Variants in KIF13A observed in about 807,000 individuals in gnomAD.
KIF13A encodes the protein kinesin-like protein KIF13A.
A neutral mutation model predicts 212.2 loss-of-function variants in KIF13A; 79 were observed. The observed-to-expected ratio is 0.37, with a 90% CI of 0.31 to 0.45. The LOEUF (loss-of-function observed/expected upper bound fraction) is 0.45, where lower values mean the gene tolerates loss of function less well. KIF13A is among the 20% of genes least tolerant of loss of function. The probability of loss-of-function intolerance (pLI) is 1.00; values close to 1 mark genes in which losing one functional copy is unlikely to be tolerated. For missense variants in KIF13A, 1,901 were observed against 2,209.0 expected (o/e 0.86, Z 2.79); for synonymous variants, 789 against 808.6 (o/e 0.98, Z 0.41).
At position 17,856,114 on chromosome 6, in the gene KIF13A, C is replaced by T. The variant is rs1377472628; in HGVS notation, c.229G>A (p.Val77Met). Residue 77 changes from valine to methionine, a missense_variant, in exon 5 of 39, where the codon GTG becomes ATG. By Grantham distance (21) the Val-to-Met change is conservative (BLOSUM62 1). Transcript: ENST00000259711. The surrounding 1 kb of genome is among the most constrained non-coding windows in gnomAD (Gnocchi z 4.5). ...SNTTKYAGQE[V>M]VFKCLGEGIL... ...CCTTCCCCAAGGCACTTGAAAACCA[C>T]TTCTTGACCTAAAAAACAAGACAAA... 1.2e-6 allele frequency: 2 copies of T among 1,608,106 alleles called. No homozygotes were observed. Among genetic ancestry groups the T allele is most frequent in the South Asian group, 1.1e-5 (1 of 90,560 alleles).
intron 2 of KIF13A, among the ~76,000 whole-genome samples, chr6:17,930,700 G>A (rs865921657): frequency 6.6e-6 from 1 of 152,154 alleles, no homozygotes; most frequent in Non-Finnish European, 1.5e-5. Context: ...TAGACCACAG[G>A]GCTGGGAAAA....
chr6:17,943,783 C>G (rs934963044), intron 2 of KIF13A, among the ~76,000 whole-genome samples: 15 of 152,058 alleles, frequency 9.9e-5, no homozygotes, highest in African/African-American at 3.1e-4. Flanking sequence ...AACGGGGAGG[C>G]GTGGAAGTGC....
At chr6:17,956,322 T>C (rs1778352347) in intron 2 of KIF13A, among the ~76,000 whole-genome samples, 2 of 152,160 alleles carry the variant, frequency 1.3e-5, no homozygotes, top group Non-Finnish European at 2.9e-5. Context: ...ATAGGTCCAT[T>C]ACAAAGAAGG....
rs762081497 is a variant in KIF13A, at chr6:17,831,063, T to A, written c.1401+38A>T. ...GATTCAACTACGAACTGTATAGGAA[T>A]GAATCTTGATTGCATATGTATTTAT... On this transcript the variant is annotated intron_variant, in intron 13 of 38. Coordinates refer to ENST00000259711, the MANE Select transcript of KIF13A (RefSeq NM_022113.6). 1.1e-5 allele frequency: 18 copies of A among 1,584,746 alleles called. No homozygotes were observed. The African/African-American group carries it at 2.3e-4, about 20-fold the overall frequency.
At chr6:17,936,117 G>A (rs868695921) in intron 2 of KIF13A, among the ~76,000 whole-genome samples, 42 of 152,116 alleles carry the variant, frequency 2.8e-4, no homozygotes, top group African/African-American at 9.9e-4. Flanking sequence ...TTCATCCAGG[G>A]AGAGGGCTGA....
intron 4 of KIF13A, among the ~76,000 whole-genome samples, chr6:17,867,845 TAGTTA>T (rs571700703): frequency 2.6e-3 from 400 of 152,350 alleles, no homozygotes; most frequent in Non-Finnish European, 4.1e-3. Flanking sequence ...CGATTCTGGT[TAGTTA>T]AGTTAATATT....
rs1159215826 is a variant in KIF13A, at chr6:17,961,923, G to C, written c.146+25131C>G. Reference sequence around the variant, plus strand: ...CCACATCTTAAAATTTCAGAATTGGGATACATTTGACAATCAAGGTTTAAT... The same window carrying C: ...CCACATCTTAAAATTTCAGAATTGGCATACATTTGACAATCAAGGTTTAAT... On this transcript the variant is annotated intron_variant, in intron 2 of 38. Transcript: ENST00000259711. The surrounding 1 kb of genome is among the most constrained non-coding windows in gnomAD (Gnocchi z 4.1). 6.6e-6 allele frequency among the ~76,000 whole-genome samples: 1 copy of C among 152,172 alleles called. No homozygotes were observed.
At chr6:17,969,954 G>A (rs1432177770) in intron 2 of KIF13A, among the ~76,000 whole-genome samples, 5 of 149,358 alleles carry the variant, frequency 3.3e-5, no homozygotes, top group Non-Finnish European at 7.4e-5. Flanking sequence ...ACGGAGTCTC[G>A]CTCTTTCACC....
chr6:17,820,230 T>G (rs1764314816), intron 16 of KIF13A, among the ~76,000 whole-genome samples: 1 of 151,992 alleles, frequency 6.6e-6, no homozygotes, highest in Non-Finnish European at 1.5e-5. Flanking sequence ...CAAATTGAAG[T>G]GCAAATACAG....
chr6:17,828,191 T>C lies in KIF13A; in HGVS notation c.1532+49A>G. On this transcript the variant is annotated intron_variant, in intron 14 of 38. Coordinates refer to ENST00000259711, the MANE Select transcript of KIF13A (RefSeq NM_022113.6). The surrounding 1 kb of genome is among the most constrained non-coding windows in gnomAD (Gnocchi z 4.3). ...ACAGAAAGAGGCAGCCTTCTCCTTC[T>C]GAAAATAAGGCACACAAGACACGTG... is the stretch of plus-strand genomic sequence containing the variant. 6.4e-7 allele frequency: 1 copy of C among 1,572,084 alleles called. No individual in the cohort carries two copies. The highest frequency in any genetic ancestry group is 8.7e-7 in the Non-Finnish European group (1 of 1,155,908).
chr6:17,777,065 G>A lies in KIF13A; in HGVS notation c.4170+212C>T, dbSNP rs1760051781. 6.6e-6 allele frequency among the ~76,000 whole-genome samples: 1 copy of A among 152,196 alleles called. No individual in the cohort carries two copies. Among genetic ancestry groups the A allele is most frequent in the Non-Finnish European group, 1.5e-5 (1 of 68,036 alleles). ...GGAACTTCTTTCAAGGAGATAACTT[G>A]CTGAACAGGAATTCATAAGATTGAA... On this transcript the variant is annotated intron_variant, in intron 34 of 38. Coordinates refer to ENST00000259711, the MANE Select transcript of KIF13A (RefSeq NM_022113.6). The surrounding 1 kb of genome is among the most constrained non-coding windows in gnomAD (Gnocchi z 4.4).
chr6:17,929,144 T>C (rs565562101), intron 2 of KIF13A, among the ~76,000 whole-genome samples: 2 of 151,620 alleles, frequency 1.3e-5, no homozygotes. Context: ...CACTACCTGC[T>C]TTGTAAAGCA....
In KIF13A at chr6:17,912,506, G is replaced by T. The variant is rs551742254; in HGVS notation, c.147-14326C>A. On this transcript the variant is annotated intron_variant, in intron 2 of 38. Coordinates refer to ENST00000259711, the MANE Select transcript of KIF13A (RefSeq NM_022113.6). This position sits in a 1 kb window ranked among gnomAD's most constrained non-coding sequence, Gnocchi z 4.2. Reference sequence around the variant, plus strand: ...GCCTGGACTTCCCTGGCTTCCAACTGTTCTCACCCTAAGCACTTATTAGCA... The same window carrying T: ...GCCTGGACTTCCCTGGCTTCCAACTTTTCTCACCCTAAGCACTTATTAGCA... Among the ~76,000 whole-genome samples the T allele has an allele frequency of 8.3e-4, 127 of 152,296 alleles. No individual in the cohort carries two copies. The highest frequency in any genetic ancestry group is 2.7e-3 in the African/African-American group (113 of 41,562).
chr6:17,809,453 C>T lies in KIF13A; in HGVS notation c.2001-523G>A, dbSNP rs1307724149. ...TGCTGATAAAAAGCTTCTCTAATAT[C>T]CCAGATTGGTCAAAACCCTCTTATA... is the stretch of plus-strand genomic sequence containing the variant. On this transcript the variant is annotated intron_variant, in intron 17 of 38. Transcript: ENST00000259711. This position sits in a 1 kb window ranked among gnomAD's most constrained non-coding sequence, Gnocchi z 4.7. Among the ~76,000 whole-genome samples, 1 of 152,218 alleles carries T rather than the reference C, an allele frequency of 6.6e-6. No individual in the cohort carries two copies. Among genetic ancestry groups the T allele is most frequent in the Non-Finnish European group, 1.5e-5 (1 of 68,034 alleles).
At chr6:17,881,193 C>A (rs1049796093) in intron 3 of KIF13A, among the ~76,000 whole-genome samples, 1 of 152,108 alleles carries the variant, frequency 6.6e-6, no homozygotes, top group Non-Finnish European at 1.5e-5. Flanking sequence ...GGATTTAATT[C>A]CCTGCAGCTT....
rs909889481 is a variant in KIF13A, at chr6:17,829,413, T to A, written c.1402-1043A>T. On this transcript the variant is annotated intron_variant, in intron 13 of 38. Transcript: ENST00000259711. This position sits in a 1 kb window ranked among gnomAD's most constrained non-coding sequence, Gnocchi z 5.4. ...AGTAGTTTTGACCTCACAGGCCTCA[T>A]GAAAGGTTCTCAGAGACCCCAGATC... Among the ~76,000 whole-genome samples the A allele has an allele frequency of 3.9e-5, 6 of 152,316 alleles. No homozygotes were observed. The highest frequency in any genetic ancestry group is 1.4e-4 in the African/African-American group (6 of 41,566).
At chr6:17,882,966 T>C (rs1771214813) in intron 3 of KIF13A, among the ~76,000 whole-genome samples, 2 of 152,260 alleles carry the variant, frequency 1.3e-5, no homozygotes, top group African/African-American at 4.8e-5. Flanking sequence ...TCTATTTATA[T>C]ACAATTCCCT....
chr6:17,808,470 TG>T (rs1212788841), intron 18 of KIF13A, among the ~76,000 whole-genome samples: 2 of 152,056 alleles, frequency 1.3e-5, no homozygotes, highest in African/African-American at 4.8e-5. Context: ...GGCATTTACA[TG>T]CAAAAAAAAG....
At chr6:17,950,048 C>A (rs1404725038) in intron 2 of KIF13A, among the ~76,000 whole-genome samples, 1 of 152,110 alleles carries the variant, frequency 6.6e-6, no homozygotes, top group Non-Finnish European at 1.5e-5. Context: ...ACTGGGCACT[C>A]ACAATGCAAG....
Sources: gnomAD v4.1 joint callset for allele counts (sites outside exome capture counted in the v4.1 genomes callset) on GRCh38, gnomAD v4.1.1 for gene constraint, Gnocchi (gnomAD v3.1) non-coding constraint, MANE v1.5 for transcripts, NCBI Gene and HGNC (gene_info 2026-07-23, HGNC 2026-07-21) for gene names.